ZNF536: variants seen among roughly 807,000 people sequenced by gnomAD.
ZNF536 encodes the protein zinc finger protein 536.
In ZNF536, 13 loss-of-function variants were observed where a neutral mutation model predicts 84.5. That is an observed-to-expected ratio of 0.15 (90% CI 0.10 to 0.24). The LOEUF is 0.24. ZNF536 is among the 10% of genes least tolerant of loss of function. The probability of loss-of-function intolerance (pLI) is 1.00; values close to 1 mark genes in which losing one functional copy is unlikely to be tolerated. For synonymous variants in ZNF536, 811 were observed against 742.5 expected (o/e 1.09, Z -1.50); for missense variants, 1,536 against 1,747.5 (o/e 0.88, Z 2.16).
At chr19:30,689,710 C>T (rs974044773) in intron 1 of ZNF536, among the ~76,000 whole-genome samples, 4 of 152,292 alleles carry the variant, frequency 2.6e-5, no homozygotes, top group African/African-American at 7.2e-5. Flanking sequence ...CCTGAGACAG[C>T]GTTCCCGTGT....
At chr19:30,299,926 C>T (rs1216947697) in intron 2 of ZNF536, among the ~76,000 whole-genome samples, 1 of 152,114 alleles carries the variant, frequency 6.6e-6, no homozygotes, top group East Asian at 1.9e-4. Flanking sequence ...AATGCCTAAT[C>T]TAATTCACCA....
At chr19:30,270,937 A>AT (rs200109658) in intron 1 of ZNF536, among the ~76,000 whole-genome samples, 197 of 146,646 alleles carry the variant, frequency 1.3e-3, no homozygotes, top group Middle Eastern at 3.5e-3. Flanking sequence ...GTGACATTGG[A>AT]TTTTTTTTTT....
At chr19:30,712,630 G>A (rs986175461) in exon 2 of ZNF536, 2 of 152,042 alleles carry the variant, frequency 1.3e-5, no homozygotes, top group African/African-American at 4.8e-5. Context: ...CTGTCAAAAG[G>A]GTGTCATCTA....
intron 1 of ZNF536, among the ~76,000 whole-genome samples, chr19:30,705,309 A>ATGTGTGTGTGTG (rs56199909): frequency 9.1e-4 from 136 of 149,222 alleles, no homozygotes; most frequent in African/African-American, 3.1e-3. Flanking sequence ...ACTCAGAAAG[A>ATGTGTGTGTGTG]TGTGTGTGTG....
intron 1 of ZNF536, among the ~76,000 whole-genome samples, chr19:30,594,807 G>A (rs1568585344): frequency 1.3e-5 from 2 of 151,840 alleles, no homozygotes; most frequent in Non-Finnish European, 2.9e-5. Flanking sequence ...CGAGGCCAAC[G>A]TCTGAGCCAC....
intron 1 of ZNF536, among the ~76,000 whole-genome samples, chr19:30,429,338 A>G (rs2051349179): frequency 6.6e-6 from 1 of 152,078 alleles, no homozygotes; most frequent in Admixed American, 6.5e-5. Flanking sequence ...AGGGCATCCT[A>G]TTTGGTTCCA....
chr19:30,383,839 C>T (rs1298772784), intron 1 of ZNF536, among the ~76,000 whole-genome samples: 2 of 40,574 alleles, frequency 4.9e-5, no homozygotes, highest in South Asian at 9.7e-4. Flanking sequence ...TCCTTCTTTC[C>T]TTCCTTCCTT....
intron 2 of ZNF536, among the ~76,000 whole-genome samples, chr19:30,326,584 G>A (rs777002851): frequency 6.6e-6 from 1 of 151,966 alleles, no homozygotes; most frequent in Admixed American, 6.6e-5. Context: ...TGCCCCCGAC[G>A]CATAGGTGGG....
At chr19:30,692,978 T>C (rs1318176663) in intron 1 of ZNF536, among the ~76,000 whole-genome samples, 1 of 152,082 alleles carries the variant, frequency 6.6e-6, no homozygotes, top group African/African-American at 2.4e-5. Context: ...TGGTGCCTGG[T>C]GATTAAGCTG....
At chr19:30,327,586 C>A (rs781130091) in intron 2 of ZNF536, among the ~76,000 whole-genome samples, 1 of 152,338 alleles carries the variant, frequency 6.6e-6, no homozygotes, top group South Asian at 2.1e-4. Flanking sequence ...TTCCTGCGAA[C>A]CCTTCAGCAG....
At chr19:30,525,108 A>G (rs1315894276) in intron 2 of ZNF536, among the ~76,000 whole-genome samples, 1 of 152,176 alleles carries the variant, frequency 6.6e-6, no homozygotes, top group African/African-American at 2.4e-5. Context: ...CTCACACTTT[A>G]GTCTTCTAAG....
intron 1 of ZNF536, among the ~76,000 whole-genome samples, chr19:30,417,551 C>G (rs950300372): frequency 6.6e-6 from 1 of 152,152 alleles, no homozygotes; most frequent in Admixed American, 6.5e-5. Context: ...TCTCTAAATA[C>G]AAACATACCA....
chr19:30,399,791 G>A lies in ZNF536; in HGVS notation c.-3+27235G>A, dbSNP rs370653264. On this transcript the variant is annotated intron_variant, in intron 1 of 4. Coordinates refer to ENST00000355537, the MANE Select transcript of ZNF536 (RefSeq NM_014717.3). Reference sequence around the variant, plus strand: ...CAATCTCCGCCTCCCGGGTTCAAGCGATTCTCCTGCCTCAGCCTCCCAAGT... The same window carrying A: ...CAATCTCCGCCTCCCGGGTTCAAGCAATTCTCCTGCCTCAGCCTCCCAAGT... Among the ~76,000 whole-genome samples the A allele has an allele frequency of 2.1e-4, 32 of 150,882 alleles. 1 individual carries two copies. In the South Asian group the frequency reaches 5.9e-3, roughly 28 times the overall value.
intron 2 of ZNF536, among the ~76,000 whole-genome samples, chr19:30,297,912 C>A (rs567987048): frequency 4.2e-4 from 62 of 147,230 alleles, no homozygotes; most frequent in South Asian, 1.3e-3. Context: ...GTCCCCCCCC[C>A]CTCTGTCGCC....
At chr19:30,688,043 G>A (rs2051265914) in intron 1 of ZNF536, among the ~76,000 whole-genome samples, 1 of 147,486 alleles carries the variant, frequency 6.8e-6, no homozygotes, top group Admixed American at 6.7e-5. Context: ...AGGGCAGGCA[G>A]CAAAACAAAC....
intron 1 of ZNF536, among the ~76,000 whole-genome samples, chr19:30,674,626 G>A (rs2050686528): frequency 6.6e-6 from 1 of 152,192 alleles, no homozygotes. Context: ...CCACCTGAGA[G>A]GTGAGGAAGC....
At chr19:30,226,449 C>A (rs1334048479), upstream of ZNF536, among the ~76,000 whole-genome samples, 2 of 151,436 alleles carry the variant, frequency 1.3e-5, no homozygotes, top group East Asian at 2.0e-4. The surrounding 1 kb of genome is among the most constrained non-coding windows in gnomAD (Gnocchi z 4.6). Context: ...GTCAAACTTG[C>A]GGGCGCCGAG....
Position 30,319,986 on chromosome 19 carries a change from AACC to A in ZNF536, c.-119-32381_-119-32379del, listed in dbSNP as rs1448314877. Among the ~76,000 whole-genome samples the A allele has an allele frequency of 2.4e-4, 36 of 152,346 alleles. No individual in the cohort carries two copies. In the South Asian group the frequency reaches 6.6e-3, roughly 28 times the overall value. ...TTTTATAGCCATTAATGTTTCAGTA[AACC>A]TTGCATGACTGTATGCAATTTAGAT... On this transcript the variant is annotated intron_variant, in intron 2 of 5. Transcript: ENST00000585628.
intron 1 of ZNF536, among the ~76,000 whole-genome samples, chr19:30,397,171 T>C (rs1358221563): frequency 6.6e-6 from 1 of 152,120 alleles, no homozygotes; most frequent in Non-Finnish European, 1.5e-5. Flanking sequence ...TGTCCCTGAG[T>C]TTGTGTTCTT....
Sources: allele counts gnomAD v4.1 joint callset (sites outside exome capture counted in the v4.1 genomes callset), GRCh38; gene constraint gnomAD v4.1.1; non-coding constraint Gnocchi (gnomAD v3.1); transcripts MANE v1.5; gene names NCBI Gene and HGNC (gene_info 2026-07-23, HGNC 2026-07-21).